Variants in SND1 observed in about 807,000 individuals in gnomAD.
The protein encoded by SND1 is staphylococcal nuclease domain-containing protein 1.
SND1 carries 38 observed loss-of-function variants against 121.7 expected under a neutral mutation model. The ratio of observed to expected loss-of-function variants is 0.31; its 90% CI spans 0.24 to 0.41. The LOEUF is 0.41. SND1 is among the 10% of genes least tolerant of loss of function. SND1 has a pLI of 1.00. For synonymous variants in SND1, 401 were observed against 447.4 expected (o/e 0.90, Z 1.31); for missense variants, 868 against 1,184.6 (o/e 0.73, Z 3.92).
intron 13 of SND1, among the ~76,000 whole-genome samples, chr7:127,901,500 AAG>A (rs1800230616): frequency 6.6e-6 from 1 of 152,078 alleles, no homozygotes; most frequent in South Asian, 2.1e-4. Flanking sequence ...ACCAGAAGTG[AAG>A]AAGCCTCTGC....
rs116255741 is a variant in SND1, at chr7:127,967,338, G to A, written c.1670-23609G>A. ...CTTGATGCTTCATGCACAAGTTCGT[G>A]GCAGGGATGGGGGTGGTGGGAAAAA... On this transcript the variant is annotated intron_variant, in intron 15 of 23. Coordinates refer to ENST00000354725, the MANE Select transcript of SND1 (RefSeq NM_014390.4). 1.7e-3 allele frequency among the ~76,000 whole-genome samples: 262 copies of A among 152,310 alleles called. 1 individual carries two copies. The highest frequency in any genetic ancestry group is 5.9e-3 in the African/African-American group (246 of 41,566).
chr7:128,085,022 G>A lies in SND1; in HGVS notation c.2234+175G>A, dbSNP rs1793665487. Reference sequence around the variant, plus strand: ...CACAGCCCATCTGGGGCCTTGCTCTGGCCTGTGCACCCCTGCAGTCCAGCC... The same window carrying A: ...CACAGCCCATCTGGGGCCTTGCTCTAGCCTGTGCACCCCTGCAGTCCAGCC... On this transcript the variant is annotated intron_variant, in intron 19 of 23. Transcript: ENST00000354725. This position sits in a 1 kb window ranked among gnomAD's most constrained non-coding sequence, Gnocchi z 4.4. 1.3e-5 allele frequency among the ~76,000 whole-genome samples: 2 copies of A among 152,168 alleles called. 1 individual carries two copies. The highest frequency in any genetic ancestry group is 4.1e-4 in the South Asian group (2 of 4,830).
chr7:128,060,910 C>T (rs552911883), intron 16 of SND1, among the ~76,000 whole-genome samples: 1 of 152,318 alleles, frequency 6.6e-6, no homozygotes, highest in East Asian at 1.9e-4. Flanking sequence ...TCTTCATTTC[C>T]TCTCTCCATT....
intron 14 of SND1, among the ~76,000 whole-genome samples, chr7:127,927,124 A>G (rs1800859223): frequency 6.6e-6 from 1 of 152,154 alleles, no homozygotes; most frequent in Middle Eastern, 3.2e-3. Flanking sequence ...AAAGTAGGTA[A>G]GAGTTTAGCA....
intron 16 of SND1, among the ~76,000 whole-genome samples, chr7:128,024,776 T>C (rs1803436163): frequency 6.6e-6 from 1 of 152,176 alleles, no homozygotes; most frequent in Non-Finnish European, 1.5e-5. Context: ...ATTGTAGAAG[T>C]GGCAGCTACA....
intron 15 of SND1, among the ~76,000 whole-genome samples, chr7:127,935,737 A>G (rs1443950566): frequency 1.3e-5 from 2 of 152,188 alleles, no homozygotes; most frequent in Non-Finnish European, 2.9e-5. Context: ...AGCTTTGCAG[A>G]TATCTGCCGT....
In SND1 at chr7:128,085,735, C is replaced by T. The variant is rs747959254; in HGVS notation, c.2259C>T (p.Val753=). The change falls in exon 20 of 24, where the codon GTC becomes GTT. Residue 753 remains valine (V), a synonymous_variant. Coordinates refer to ENST00000354725, the MANE Select transcript of SND1 (RefSeq NM_014390.4). This position sits in a 1 kb window ranked among gnomAD's most constrained non-coding sequence, Gnocchi z 4.4. Reference sequence around the variant, plus strand: ...GGTACCGTGCCCGAGTAGAGAAAGTCGAGTCTCCTGCCAAAATACATGTCT... The same window carrying T: ...GGTACCGTGCCCGAGTAGAGAAAGTTGAGTCTCCTGCCAAAATACATGTCT... ...GEWYRARVEK[V]ESPAKIHVFY... is the part of the protein sequence containing the mutation. 4.0e-5 allele frequency: 65 copies of T among 1,613,978 alleles called. No individual in the cohort carries two copies. Among genetic ancestry groups the T allele is most frequent in the Non-Finnish European group, 5.4e-5 (64 of 1,180,008 alleles).
chr7:127,784,406 A>G (rs1797775822), intron 10 of SND1, among the ~76,000 whole-genome samples: 2 of 152,136 alleles, frequency 1.3e-5, no homozygotes, highest in South Asian at 2.1e-4. Flanking sequence ...TCTACTGCCT[A>G]TCCTTCTTTC....
At chr7:127,773,131 A>G (rs1215188639) in intron 10 of SND1, among the ~76,000 whole-genome samples, 4 of 152,236 alleles carry the variant, frequency 2.6e-5, no homozygotes, top group East Asian at 1.9e-4. Context: ...ATAAGCATAT[A>G]TACAAAAGGA....
Position 127,860,583 on chromosome 7 carries a change from G to A in SND1, c.1343+16159G>A, listed in dbSNP as rs890554746. On this transcript the variant is annotated intron_variant, in intron 12 of 23. Coordinates refer to ENST00000354725, the MANE Select transcript of SND1 (RefSeq NM_014390.4). ...TGGTGTAGTGGAATGGTGGTGTAGT[G>A]AATTTGGACCTGTAAGGTTCCTTTT... is the stretch of plus-strand genomic sequence containing the variant. Among the ~76,000 whole-genome samples, 5 of 152,272 alleles carry A rather than the reference G, an allele frequency of 3.3e-5. No homozygotes were observed. The East Asian group carries it at 9.7e-4, about 29-fold the overall frequency.
intron 10 of SND1, among the ~76,000 whole-genome samples, chr7:127,789,515 A>G (rs17662800): frequency 0.065 from 9,909 of 152,250 alleles, 422 homozygotes; most frequent in Middle Eastern, 0.2. Context: ...TATCCTACAT[A>G]ATGGCATTGT....
chr7:127,871,416 G>T (rs1799583606), intron 12 of SND1, among the ~76,000 whole-genome samples: 1 of 152,136 alleles, frequency 6.6e-6, no homozygotes, highest in Non-Finnish European at 1.5e-5. Flanking sequence ...CCACAAACTT[G>T]TGAGTAATGC....
Position 128,092,068 on chromosome 7 carries a change from C to T in SND1, c.*10C>T, listed in dbSNP as rs777229708. 8.1e-6 allele frequency: 13 copies of T among 1,613,742 alleles called. No individual in the cohort carries two copies. The highest frequency in any genetic ancestry group is 2.2e-5 in the South Asian group (2 of 91,078). ...TGGCTACAGCCGCTAAGGAGGGGAT[C>T]GGGTTTGGCCCCCAGCCCCGCTCAC... On this transcript the variant is annotated 3_prime_UTR_variant, in exon 24 of 24. Coordinates refer to ENST00000354725, the MANE Select transcript of SND1 (RefSeq NM_014390.4). This position sits in a 1 kb window ranked among gnomAD's most constrained non-coding sequence, Gnocchi z 4.9.
intron 15 of SND1, among the ~76,000 whole-genome samples, chr7:127,976,031 C>T (rs565312634): frequency 6.6e-6 from 1 of 152,350 alleles, no homozygotes; most frequent in South Asian, 2.1e-4. Flanking sequence ...GCCCCTCCTC[C>T]ACCCTGTTCT....
At chr7:127,777,721 A>G (rs567678934) in intron 10 of SND1, among the ~76,000 whole-genome samples, 5 of 152,238 alleles carry the variant, frequency 3.3e-5, no homozygotes, top group African/African-American at 1.2e-4. Context: ...TTTATGATTG[A>G]TTGAGAAGGG....
rs142994840 is a variant in SND1, at chr7:127,818,754, C to T, written c.1242+11181C>T. Among the ~76,000 whole-genome samples, 5 of 152,242 alleles carry T rather than the reference C, an allele frequency of 3.3e-5. No homozygotes were observed. The East Asian group carries it at 9.7e-4, about 29-fold the overall frequency. Reference sequence around the variant, plus strand: ...ACAGCAGAGTTTCCTCCACCAGGCTCGGTTTCCACCATCTCCAAACTTTTA... The same window carrying T: ...ACAGCAGAGTTTCCTCCACCAGGCTTGGTTTCCACCATCTCCAAACTTTTA... On this transcript the variant is annotated intron_variant, in intron 11 of 23. Coordinates refer to ENST00000354725, the MANE Select transcript of SND1 (RefSeq NM_014390.4).
chr7:127,905,964 G>GC (rs1242145657), intron 14 of SND1, among the ~76,000 whole-genome samples: 1 of 152,168 alleles, frequency 6.6e-6, no homozygotes, highest in African/African-American at 2.4e-5. Context: ...TATGTGGTGT[G>GC]CCCAGGCCTG....
chr7:127,696,359 T>G (rs1796006898), intron 3 of SND1, among the ~76,000 whole-genome samples: 1 of 152,210 alleles, frequency 6.6e-6, no homozygotes, highest in African/African-American at 2.4e-5. Context: ...CTGCTTCTTA[T>G]TTGAATGAGA....
chr7:127,831,709 T>G (rs1369218659), intron 11 of SND1, among the ~76,000 whole-genome samples: 1 of 152,244 alleles, frequency 6.6e-6, no homozygotes, highest in Non-Finnish European at 1.5e-5. Flanking sequence ...AAGACCCTGC[T>G]TGTGAGGAGG....
Sources: allele counts gnomAD v4.1 joint callset (sites outside exome capture counted in the v4.1 genomes callset), GRCh38; gene constraint gnomAD v4.1.1; non-coding constraint Gnocchi (gnomAD v3.1); transcripts MANE v1.5; gene names NCBI Gene and HGNC (gene_info 2026-07-23, HGNC 2026-07-21).